KIF1B: variants seen among roughly 807,000 people sequenced by gnomAD.
KIF1B encodes kinesin-like protein KIF1B.
Under a neutral mutation model 241.9 loss-of-function variants are expected in KIF1B, and 76 were observed. The ratio of observed to expected loss-of-function variants is 0.31; its 90% CI spans 0.26 to 0.38. KIF1B has a LOEUF of 0.38. KIF1B is among the 10% of genes least tolerant of loss of function. The pLI, the probability that KIF1B is intolerant of heterozygous loss-of-function variation, is 1.00. For missense variants in KIF1B, 1,622 were observed against 2,271.4 expected (o/e 0.71, Z 5.81); for synonymous variants, 750 against 796.7 (o/e 0.94, Z 0.99).
intron 33 of KIF1B, among the ~76,000 whole-genome samples, chr1:10,342,624 A>C (rs1368401212): frequency 6.6e-6 from 1 of 152,198 alleles, no homozygotes; most frequent in Non-Finnish European, 1.5e-5. Flanking sequence ...GACATTTTTT[A>C]AATGAGATTT....
intron 43 of KIF1B, among the ~76,000 whole-genome samples, chr1:10,368,022 C>G (rs1040807710): frequency 6.6e-6 from 1 of 152,108 alleles, no homozygotes; most frequent in South Asian, 2.1e-4. Flanking sequence ...CCATCACACC[C>G]AGCCAGAACC....
chr1:10,351,062 C>T (rs1386540184), intron 37 of KIF1B, among the ~76,000 whole-genome samples: 1 of 103,162 alleles, frequency 9.7e-6, no homozygotes, highest in Middle Eastern at 7.9e-3. Context: ...CATGACAGAA[C>T]AAGACCCTGT....
In KIF1B at chr1:10,345,966, T is replaced by G. The variant is rs1008906955; in HGVS notation, c.3797+13T>G. ...AGCCTACAGGAGAGTAAGTCCAACT[T>G]AATAAATTTTTAAATAAGGCAAAAT... On this transcript the variant is annotated intron_variant, in intron 35 of 48. Coordinates refer to ENST00000676179, the MANE Select transcript of KIF1B (RefSeq NM_001365951.3). 1 of 1,548,310 alleles carries G rather than the reference T, an allele frequency of 6.5e-7. No homozygotes were observed. The highest frequency in any genetic ancestry group is 1.7e-5 in the Admixed American group (1 of 59,728).
In KIF1B at chr1:10,232,443, A is replaced by C. The variant is rs373575028; in HGVS notation, c.106+9A>C. ...GCAAGGCAACTCGACCAGTGAGTAC[A>C]TGTTGTTTTCTCTCAGCTGTGTATC... is the stretch of plus-strand genomic sequence containing the variant. On this transcript the variant is annotated intron_variant, in intron 2 of 48. Transcript: ENST00000676179. 6 of 1,584,962 alleles carry C rather than the reference A, an allele frequency of 3.8e-6. No individual in the cohort carries two copies. The highest frequency in any genetic ancestry group is 3.3e-5 in the Admixed American group (2 of 59,886).
At chr1:10,230,337 T>C (rs1646964102) in intron 1 of KIF1B, among the ~76,000 whole-genome samples, 1 of 152,178 alleles carries the variant, frequency 6.6e-6, no homozygotes, top group Admixed American at 6.5e-5. Context: ...ATTACTTTTC[T>C]TTTTTAGATT....
intron 44 of KIF1B, 75 bp downstream of exon 44, chr1:10,368,613 C>G: frequency 7.4e-7 from 1 of 1,348,212 alleles, no homozygotes; most frequent in Non-Finnish European, 1.1e-6. Flanking sequence ...ATTACCTATT[C>G]CTGGTTTTTG....
Position 10,309,577 on chromosome 1 carries a change from C to T in KIF1B, c.2116-10466C>T, listed in dbSNP as rs1447368437. On this transcript the variant is annotated intron_variant, in intron 22 of 48. Coordinates refer to ENST00000676179, the MANE Select transcript of KIF1B (RefSeq NM_001365951.3). ...CCTTTAATGTCTAAAACAGCCTAAC[C>T]GGAAAACTCAGAATGGTGATATTGA... 2.6e-5 allele frequency among the ~76,000 whole-genome samples: 4 copies of T among 151,398 alleles called. No homozygotes were observed. The South Asian group carries it at 6.2e-4, about 24-fold the overall frequency.
intron 39 of KIF1B, 36 bp from the exon 40 acceptor site, chr1:10,361,656 C>T (rs750683369): frequency 1.9e-6 from 3 of 1,612,026 alleles, no homozygotes; most frequent in Non-Finnish European, 2.5e-6. Context: ...AGTACTCTGC[C>T]TGCACTTCAT....
intron 32 of KIF1B, among the ~76,000 whole-genome samples, chr1:10,341,211 G>T (rs560618860): frequency 3.4e-4 from 52 of 152,378 alleles, no homozygotes; most frequent in African/African-American, 1.2e-3. Context: ...TGCAGTGGGA[G>T]TGGAGAAAGG....
intron 1 of KIF1B, among the ~76,000 whole-genome samples, chr1:10,215,163 TATATA>T (rs1557640191): frequency 1.9e-3 from 138 of 71,074 alleles, no homozygotes; most frequent in Non-Finnish European, 2.9e-3. Flanking sequence ...TATATATATA[TATATA>T]TATATTTTTT....
intron 2 of KIF1B, among the ~76,000 whole-genome samples, chr1:10,243,187 C>T (rs1030282537): frequency 2.0e-5 from 3 of 152,026 alleles, no homozygotes; most frequent in Non-Finnish European, 4.4e-5. Context: ...GAGGCTGAGG[C>T]GGGTGAATCA....
intron 24 of KIF1B, among the ~76,000 whole-genome samples, chr1:10,323,231 A>G (rs537417421): frequency 6.6e-6 from 1 of 152,308 alleles, no homozygotes; most frequent in East Asian, 1.9e-4. Context: ...CTGTGTTTTC[A>G]TCCTCTCTCA....
In KIF1B at chr1:10,379,070, A is replaced by T. The variant is rs1237584020; in HGVS notation, c.*2483A>T. 1 of 231,368 alleles carries T rather than the reference A, an allele frequency of 4.3e-6. No homozygotes were observed. The highest frequency in any genetic ancestry group is 8.6e-6 in the Non-Finnish European group (1 of 116,744). The allele number at this position is 231,368 out of a possible 1,614,324, so 14.3% of individuals were successfully genotyped here. A position where few individuals can be genotyped will look rare whatever the true frequency, so the allele number is the denominator to read the frequency against. On this transcript the variant is annotated 3_prime_UTR_variant, in exon 49 of 49. Transcript: ENST00000676179. Reference sequence around the variant, plus strand: ...GAGATGGCTGCCTGGACTGGAATCAAATCTAATTTCAGGGAAATGAAGATG... The same window carrying T: ...GAGATGGCTGCCTGGACTGGAATCATATCTAATTTCAGGGAAATGAAGATG...
chr1:10,279,185 T>C (rs1293129231), intron 14 of KIF1B, 47 bp downstream of exon 14: 11 of 1,295,826 alleles, frequency 8.5e-6, no homozygotes, highest in South Asian at 5.1e-5. Flanking sequence ...GACTTGCTAA[T>C]CTGCCTCTGC....
In KIF1B at chr1:10,326,684, G is replaced by A. The variant is rs150071438; in HGVS notation, c.2924+325G>A. Among the ~76,000 whole-genome samples, 504 of 152,278 alleles carry A rather than the reference G, an allele frequency of 3.3e-3. 2 individuals carry two copies. Among genetic ancestry groups the A allele is most frequent in the Middle Eastern group, 0.031 (9 of 294 alleles). ...GAGAAAGTAAAGCTAAGAGTCAAACGTAGTGGGTTCAGTGAATAGTATTAT... is the reference window on the plus strand; with the variant it reads ...GAGAAAGTAAAGCTAAGAGTCAAACATAGTGGGTTCAGTGAATAGTATTAT... On this transcript the variant is annotated intron_variant, in intron 27 of 48. Transcript: ENST00000676179. This position sits in a 1 kb window ranked among gnomAD's most constrained non-coding sequence, Gnocchi z 5.2.
At chr1:10,359,934 G>A (rs528591405) in intron 38 of KIF1B, among the ~76,000 whole-genome samples, 37 of 152,170 alleles carry the variant, frequency 2.4e-4, no homozygotes, top group South Asian at 6.2e-4. Context: ...TCAGGAGGCT[G>A]AGTCAAGAGA....
Position 10,248,247 on chromosome 1 carries a change from T to C in KIF1B, c.107-8000T>C, listed in dbSNP as rs75226673. On this transcript the variant is annotated intron_variant, in intron 2 of 48. Coordinates refer to ENST00000676179, the MANE Select transcript of KIF1B (RefSeq NM_001365951.3). ...GTCTCGTTATGTTGCCCAGGCTGGA[T>C]GGAGTGTGGTGGTGCAGTAACGGCT... 6.5e-3 allele frequency among the ~76,000 whole-genome samples: 995 copies of C among 151,954 alleles called. 10 individuals carry two copies. Among genetic ancestry groups the C allele is most frequent in the Middle Eastern group, 0.037 (11 of 294 alleles).
chr1:10,308,025 G>GAA, intron 22 of KIF1B: 1 of 1,035,242 alleles, frequency 9.7e-7, no homozygotes, highest in East Asian at 5.4e-5. Context: ...GGTTGACACT[G>GAA]AAAAAAAAAC....
At chr1:10,215,118 G>A (rs1333795420) in intron 1 of KIF1B, among the ~76,000 whole-genome samples, 1 of 126,476 alleles carries the variant, frequency 7.9e-6, no homozygotes, top group African/African-American at 3.0e-5. Flanking sequence ...ATGTTTGATG[G>A]ATTTAAAAAT....
Sources: gnomAD v4.1 joint callset for allele counts (sites outside exome capture counted in the v4.1 genomes callset) on GRCh38, gnomAD v4.1.1 for gene constraint, Gnocchi (gnomAD v3.1) non-coding constraint, MANE v1.5 for transcripts, NCBI Gene and HGNC (gene_info 2026-07-23, HGNC 2026-07-21) for gene names.